LTBP1: variants seen among roughly 807,000 people sequenced by gnomAD.
LTBP1 encodes the protein latent-transforming growth factor beta-binding protein 1.
Under a neutral mutation model 207.6 loss-of-function variants are expected in LTBP1, and 129 were observed. The observed-to-expected ratio is 0.62, with a 90% CI of 0.54 to 0.72. The LOEUF is 0.72. LTBP1 is among the 30% of genes least tolerant of loss of function. LTBP1 has a pLI of 0.00. For synonymous variants in LTBP1, 963 were observed against 833.7 expected (o/e 1.16, Z -2.67); for missense variants, 2,281 against 2,217.2 (o/e 1.03, Z -0.58).
chr2:33,283,043 CAG>C (rs1419724267), intron 19 of LTBP1, among the ~76,000 whole-genome samples: 1 of 113,216 alleles, frequency 8.8e-6, no homozygotes, highest in Non-Finnish European at 1.6e-5. Flanking sequence ...AGCCTGGCGA[CAG>C]AGCAAGACTC....
chr2:33,031,873 C>T (rs1320547971), intron 3 of LTBP1, among the ~76,000 whole-genome samples: 2 of 152,044 alleles, frequency 1.3e-5, no homozygotes, highest in African/African-American at 4.8e-5. Flanking sequence ...AAGTGTCAGG[C>T]TCACCCTGGA....
intron 4 of LTBP1, among the ~76,000 whole-genome samples, chr2:33,125,142 T>A (rs1013165330): frequency 2.6e-5 from 4 of 152,228 alleles, no homozygotes; most frequent in African/African-American, 9.6e-5. Context: ...CTAAGTGTCA[T>A]ATATTTTTCA....
intron 24 of LTBP1, among the ~76,000 whole-genome samples, chr2:33,322,739 G>A (rs372212407): frequency 7.2e-5 from 11 of 152,146 alleles, no homozygotes; most frequent in South Asian, 2.1e-4. Context: ...TTTATTATAC[G>A]AATGAGAAGT....
At chr2:33,228,950 C>T (rs541503497) in intron 9 of LTBP1, among the ~76,000 whole-genome samples, 33 of 152,094 alleles carry the variant, frequency 2.2e-4, no homozygotes, top group Non-Finnish European at 3.5e-4. Context: ...TCACCCACCT[C>T]AGCCTCTGAA....
intron 15 of LTBP1, among the ~76,000 whole-genome samples, chr2:33,268,465 C>T (rs889271069): frequency 1.3e-5 from 2 of 152,178 alleles, no homozygotes; most frequent in Non-Finnish European, 2.9e-5. Flanking sequence ...AGCCTTTTCA[C>T]ATTTAGCTAA....
intron 20 of LTBP1, among the ~76,000 whole-genome samples, chr2:33,295,649 A>T (rs190970278): frequency 1.4e-3 from 211 of 152,246 alleles, no homozygotes; most frequent in South Asian, 5.8e-3. Context: ...ATGATTTTTT[A>T]AAAATTTTTT....
At chr2:33,164,526 G>A (rs1270590256) in intron 5 of LTBP1, among the ~76,000 whole-genome samples, 1 of 151,870 alleles carries the variant, frequency 6.6e-6, no homozygotes, top group Admixed American at 6.6e-5. Flanking sequence ...CTTATTTATA[G>A]TATTTTAGTC....
At chr2:33,237,273 C>T (rs6745742) in intron 9 of LTBP1, among the ~76,000 whole-genome samples, 3,726 of 152,086 alleles carry the variant, frequency 0.024, 171 homozygotes, top group African/African-American at 0.085. Flanking sequence ...AAGGACTCTT[C>T]GGGTTTTAAA....
intron 31 of LTBP1, among the ~76,000 whole-genome samples, chr2:33,382,111 T>TTTTTTG (rs1553316521): frequency 6.8e-5 from 7 of 103,652 alleles, no homozygotes; most frequent in South Asian, 6.5e-4. Context: ...TTTTTTTTTT[T>TTTTTTG]TGAGACAGAG....
Position 33,288,904 on chromosome 2 carries a change from C to T in LTBP1, c.3113-4256C>T, listed in dbSNP as rs369345498. On this transcript the variant is annotated intron_variant, in intron 19 of 33. Transcript: ENST00000404816. ...AAAAGAAGGTGGAGTCTGGGAATTA[C>T]TGACCACTGAGCTTCATGTTAATCT... Among the ~76,000 whole-genome samples the T allele has an allele frequency of 2.0e-5, 3 of 151,330 alleles. No individual in the cohort carries two copies. The East Asian group carries it at 5.8e-4, about 29-fold the overall frequency.
chr2:33,325,668 A>G (rs546070706), intron 24 of LTBP1, among the ~76,000 whole-genome samples: 1 of 152,238 alleles, frequency 6.6e-6, no homozygotes, highest in Non-Finnish European at 1.5e-5. Context: ...TATATTTCAC[A>G]TTTATCTTTT....
At position 32,997,946 on chromosome 2, in the gene LTBP1, A is replaced by G. The variant is rs73925774; in HGVS notation, c.566-22963A>G. ...TTGGACCTGGTATTGATTTATGAGA[A>G]AGTGTTGTAGGTTTCTTTGTGAAGT... is the stretch of plus-strand genomic sequence containing the variant. On this transcript the variant is annotated intron_variant, in intron 2 of 33. Transcript: ENST00000404816. Among the ~76,000 whole-genome samples the G allele has an allele frequency of 3.1e-3, 478 of 152,112 alleles. 1 individual carries two copies. Among genetic ancestry groups the G allele is most frequent in the African/African-American group, 0.011 (445 of 41,488 alleles).
At chr2:33,159,659 A>G (rs558940078) in intron 5 of LTBP1, among the ~76,000 whole-genome samples, 2 of 152,276 alleles carry the variant, frequency 1.3e-5, no homozygotes, top group East Asian at 1.9e-4. Flanking sequence ...TTCCTATGTC[A>G]TCATCTTCAG....
chr2:33,079,955 A>G (rs1433542099), intron 3 of LTBP1, among the ~76,000 whole-genome samples: 1 of 151,792 alleles, frequency 6.6e-6, no homozygotes, highest in Non-Finnish European at 1.5e-5. Context: ...AACTTTAACT[A>G]TGACTAGCAG....
intron 9 of LTBP1, among the ~76,000 whole-genome samples, chr2:33,222,715 T>C (rs2091193492): frequency 6.6e-6 from 1 of 152,262 alleles, no homozygotes; most frequent in Non-Finnish European, 1.5e-5. Flanking sequence ...AGGGGGAAGC[T>C]AGGAGATTGT....
intron 2 of LTBP1, among the ~76,000 whole-genome samples, chr2:32,952,151 T>G (rs189045161): frequency 2.4e-4 from 37 of 152,330 alleles, no homozygotes; most frequent in Admixed American, 6.5e-4. Flanking sequence ...AGGTATCCCT[T>G]TGAGAAAGCC....
At chr2:33,227,324 G>A (rs561300259) in intron 9 of LTBP1, among the ~76,000 whole-genome samples, 9 of 152,190 alleles carry the variant, frequency 5.9e-5, no homozygotes, top group African/African-American at 1.7e-4. Flanking sequence ...ACTGTGCCTG[G>A]CCTTTTTGTA....
At chr2:33,307,577 C>T (rs2094118460) in intron 22 of LTBP1, among the ~76,000 whole-genome samples, 1 of 152,170 alleles carries the variant, frequency 6.6e-6, no homozygotes, top group Non-Finnish European at 1.5e-5. Flanking sequence ...ATGGAAATGC[C>T]TGTTCCTTGA....
chr2:33,229,258 C>T (rs761319679), intron 9 of LTBP1, among the ~76,000 whole-genome samples: 10 of 152,042 alleles, frequency 6.6e-5, no homozygotes, highest in Non-Finnish European at 1.2e-4. Context: ...TTGCTTGAGG[C>T]TAGGAGTTTA....
Sources: allele counts gnomAD v4.1 joint callset (sites outside exome capture counted in the v4.1 genomes callset), GRCh38; gene constraint gnomAD v4.1.1; transcripts MANE v1.5; gene names NCBI Gene and HGNC (gene_info 2026-07-23, HGNC 2026-07-21).